Variants in BMS1 observed in about 807,000 individuals in gnomAD.
BMS1 encodes ribosome biogenesis protein BMS1 homolog.
A neutral mutation model predicts 138.7 loss-of-function variants in BMS1; 53 were observed. That is an observed-to-expected ratio of 0.38 (90% CI 0.31 to 0.48). BMS1 has a LOEUF of 0.48. BMS1 is among the 20% of genes least tolerant of loss of function. BMS1 has a pLI of 0.97. For missense variants in BMS1, 1,360 were observed against 1,565.5 expected, an observed-to-expected ratio of 0.87 and a Z score of 2.22; for synonymous variants, 504 against 539.9, an observed-to-expected ratio of 0.93 and a Z score of 0.92.
At chr10:42,786,602 T>C (rs1366151289) in intron 3 of BMS1, among the ~76,000 whole-genome samples, 1 of 151,706 alleles carries the variant, frequency 6.6e-6, no homozygotes, top group Non-Finnish European at 1.5e-5. Context: ...TTTTTTTTTT[T>C]TCTGTAGAGA....
In BMS1 at chr10:42,832,868, T is replaced by G. The variant is rs1415385439; in HGVS notation, c.*1772T>G. On this transcript the variant is annotated 3_prime_UTR_variant, in exon 23 of 23. Coordinates refer to ENST00000374518, the MANE Select transcript of BMS1 (RefSeq NM_014753.4). ...ACACATAGTAAGCCCATAACAATTATAATTTAAAACTAATTTGTTATATAG... is the reference window on the plus strand; with the variant it reads ...ACACATAGTAAGCCCATAACAATTAGAATTTAAAACTAATTTGTTATATAG... The G allele has an allele frequency of 2.0e-5, 3 of 152,218 alleles. No individual in the cohort carries two copies. The highest frequency in any genetic ancestry group is 4.4e-5 in the Non-Finnish European group (3 of 68,046). The allele number at this position is 152,218 out of a possible 1,614,324, so 9.4% of individuals were successfully genotyped here. A position where few individuals can be genotyped will look rare whatever the true frequency, so the allele number is the denominator to read the frequency against.
At chr10:42,830,728 T>C (rs1015645176) in intron 22 of BMS1, 138 bp from the exon 23 acceptor site, 3 of 812,396 alleles carry the variant, frequency 3.7e-6, no homozygotes, top group Admixed American at 2.9e-5. Context: ...ATGCCAACAA[T>C]GACTTCCTAG....
chr10:42,790,850 CA>C (rs201953204), intron 5 of BMS1, among the ~76,000 whole-genome samples: 1,958 of 141,980 alleles, frequency 0.014, 57 homozygotes, highest in East Asian at 0.11. Context: ...ACGCTTGTCT[CA>C]AAAAAAAAAA....
intron 2 of BMS1, 127 bp from the exon 3 acceptor site, chr10:42,785,355 A>C: frequency 1.4e-6 from 1 of 707,698 alleles, no homozygotes; most frequent in Non-Finnish European, 2.2e-6. Flanking sequence ...TGTACTCTCT[A>C]TAAAATGTGC....
chr10:42,832,548 T>G lies in BMS1; in HGVS notation c.*1452T>G, dbSNP rs547513334. ...ATAGTATGTGTGCTGCTGATATGAG[T>G]GCCACATTGCCTTTACAACATCATA... On this transcript the variant is annotated 3_prime_UTR_variant, in exon 23 of 23. Transcript: ENST00000374518. 6.6e-6 allele frequency: 1 copy of G among 152,288 alleles called. No homozygotes were observed. The highest frequency in any genetic ancestry group is 1.9e-4 in the East Asian group (1 of 5,178). 9.4% of individuals were successfully genotyped at this position (152,288 alleles called of 1,614,324 possible).
intron 4 of BMS1, 122 bp downstream of exon 4, chr10:42,787,369 T>C: frequency 1.2e-6 from 1 of 803,098 alleles, no homozygotes; most frequent in Non-Finnish European, 2.1e-6. Flanking sequence ...TCATCATCAG[T>C]GATACGGTAG....
At chr10:42,819,939 G>T (rs1380557269) in intron 15 of BMS1, among the ~76,000 whole-genome samples, 4 of 151,990 alleles carry the variant, frequency 2.6e-5, no homozygotes. Flanking sequence ...CTACAGGCAC[G>T]CACCACCACG....
Position 42,796,650 on chromosome 10 carries a change from A to G in BMS1, c.1406A>G (p.Glu469Gly). 1 of 1,614,202 alleles carries G rather than the reference A, an allele frequency of 6.2e-7. No homozygotes were observed. Among genetic ancestry groups the G allele is most frequent in the African/African-American group, 1.3e-5 (1 of 75,036 alleles). Reference sequence around the variant, plus strand: ...AGTGATGAGGAAGCAGAAGAGGAGGAAAATGCTGAGATGACTGATCAGTAT... The same window carrying G: ...AGTGATGAGGAAGCAGAAGAGGAGGGAAATGCTGAGATGACTGATCAGTAT... Reference protein sequence around the residue: ...GSSDEEAEEEENAEMTDQYMA... With the variant: ...GSSDEEAEEEGNAEMTDQYMA... The change falls in exon 10 of 23, where the codon GAA becomes GGA. Residue 469 changes from glutamate to glycine, a missense_variant. Physicochemically the swap from Glu to Gly is moderately conservative, Grantham distance 98. Around this residue, in one of 3 missense-constraint regions of BMS1, gnomAD observed 697 missense variants for 686.2 expected, o/e 1.02. Transcript: ENST00000374518.
chr10:42,785,402 T>C, intron 2 of BMS1, 80 bp from the exon 3 acceptor site: 1 of 1,313,814 alleles, frequency 7.6e-7, no homozygotes, highest in Admixed American at 2.5e-5. Context: ...CAAAAAAGTC[T>C]ACTTATAAGG....
At chr10:42,786,780 G>T (rs1286115137) in intron 3 of BMS1, among the ~76,000 whole-genome samples, 2 of 152,038 alleles carry the variant, frequency 1.3e-5, no homozygotes, top group Admixed American at 1.3e-4. Flanking sequence ...TTATTGTTAT[G>T]AATATTCTGT....
intron 21 of BMS1, among the ~76,000 whole-genome samples, chr10:42,825,502 A>C (rs527297454): frequency 6.6e-6 from 1 of 150,446 alleles, no homozygotes; most frequent in African/African-American, 2.5e-5. Flanking sequence ...AAGTGTACAC[A>C]TCTCTCACCT....
rs3982202 is a variant in BMS1 at position 42,820,603 on chromosome 10, A to G, written c.2865A>G (p.Pro955=). 1 of 1,611,898 alleles carries G rather than the reference A, an allele frequency of 6.2e-7. No homozygotes were observed. Among genetic ancestry groups the G allele is most frequent in the Middle Eastern group, 2.3e-4 (1 of 4,430 alleles). The change falls in exon 17 of 23, where the codon CCA becomes CCG. Residue 955 remains proline (P), a synonymous_variant. Transcript: ENST00000374518. ...SVGWRRFQTI[P]LYYIEDHNGR... ...GGTGGAGGAGGTTTCAGACCATCCC[A>G]CTGTATTATATCGAAGACCACAATG...
At chr10:42,810,950 T>A (rs1264838830) in intron 13 of BMS1, among the ~76,000 whole-genome samples, 1 of 152,200 alleles carries the variant, frequency 6.6e-6, no homozygotes, top group Non-Finnish European at 1.5e-5. Context: ...TTTATTAATT[T>A]TGTTGATTCT....
chr10:42,788,071 T>C (rs1841391974), intron 4 of BMS1, among the ~76,000 whole-genome samples: 1 of 152,206 alleles, frequency 6.6e-6, no homozygotes. Flanking sequence ...GATTTTATAC[T>C]TTGGCCCAGG....
chr10:42,792,361 C>T, intron 6 of BMS1, 132 bp from the exon 7 acceptor site: 2 of 1,287,644 alleles, frequency 1.6e-6, no homozygotes, highest in Non-Finnish European at 2.1e-6. Context: ...ATGGTGCCTC[C>T]TTATTTCTGC....
chr10:42,804,710 G>A (rs187006819), intron 13 of BMS1, among the ~76,000 whole-genome samples: 1 of 147,264 alleles, frequency 6.8e-6, no homozygotes, highest in Non-Finnish European at 1.5e-5. Flanking sequence ...TTCTGGTGTA[G>A]GTCAATTTAT....
intron 15 of BMS1, among the ~76,000 whole-genome samples, chr10:42,819,628 T>G (rs543979430): frequency 9.9e-4 from 150 of 152,202 alleles, no homozygotes; most frequent in African/African-American, 3.5e-3. Context: ...GAAAGAATTG[T>G]TCAGAAAGGA....
rs1302119937 is a variant in BMS1, at chr10:42,831,213, T to G, written c.*117T>G. On this transcript the variant is annotated 3_prime_UTR_variant, in exon 23 of 23. Coordinates refer to ENST00000374518, the MANE Select transcript of BMS1 (RefSeq NM_014753.4). ...GAAAGAGCTCAAGAGATGTCTCTACTCAAACTGTGCCTGCAGGAGGAGGAA... is the reference window on the plus strand; with the variant it reads ...GAAAGAGCTCAAGAGATGTCTCTACGCAAACTGTGCCTGCAGGAGGAGGAA... The G allele has an allele frequency of 2.7e-6, 3 of 1,098,898 alleles. No individual in the cohort carries two copies. The highest frequency in any genetic ancestry group is 2.6e-6 in the Non-Finnish European group (2 of 777,298). 68.1% of individuals were successfully genotyped at this position (1,098,898 alleles called of 1,614,324 possible).
At chr10:42,818,335 G>T (rs1842408213) in intron 15 of BMS1, among the ~76,000 whole-genome samples, 1 of 152,216 alleles carries the variant, frequency 6.6e-6, no homozygotes. Context: ...CTAGAGCCTT[G>T]TGGGCCATTG....
Sources: gnomAD v4.1 joint callset for allele counts (sites outside exome capture counted in the v4.1 genomes callset) on GRCh38, gnomAD v4.1.1 for gene constraint, gnomAD v4.1.1 regional missense constraint, MANE v1.5 for transcripts, NCBI Gene and HGNC (gene_info 2026-07-23, HGNC 2026-07-21) for gene names.